PIGF: variants seen among roughly 807,000 people sequenced by gnomAD.
PIGF encodes phosphatidylinositol glycan anchor biosynthesis class F.
In PIGF, 23 loss-of-function variants were observed where a neutral mutation model predicts 26.0. The observed-to-expected ratio is 0.88, with a 90% CI of 0.64 to 1.25. The LOEUF (loss-of-function observed/expected upper bound fraction) is 1.25. Ranked by LOEUF, PIGF falls within the 50% of genes most tolerant of loss-of-function variation. The pLI is 0.00. For synonymous variants in PIGF, 93 were observed against 92.6 expected, an observed-to-expected ratio of 1.00 and a Z score of -0.03; for missense variants, 278 against 249.9, an observed-to-expected ratio of 1.11 and a Z score of -0.76.
rs1434799139 is a variant in PIGF at position 46,589,940 on chromosome 2, G to A, written c.546+2535C>T. Among the ~76,000 whole-genome samples, 1 of 151,974 alleles carries A rather than the reference G, an allele frequency of 6.6e-6. No individual in the cohort carries two copies. The highest frequency in any genetic ancestry group is 1.9e-4 in the East Asian group (1 of 5,204). On this transcript the variant is annotated intron_variant, in intron 5 of 5. Transcript: ENST00000281382. The surrounding 1 kb of genome is among the most constrained non-coding windows in gnomAD (Gnocchi z 4.7). Reference sequence around the variant, plus strand: ...TGCTAAAAGGGCAAGGAGCAGATGAGTGCTATATGAATAAAAGATTTTTAA... The same window carrying A: ...TGCTAAAAGGGCAAGGAGCAGATGAATGCTATATGAATAAAAGATTTTTAA...
intron 5 of PIGF, among the ~76,000 whole-genome samples, chr2:46,583,328 G>A (rs768144357): frequency 1.3e-5 from 2 of 152,066 alleles, no homozygotes; most frequent in Non-Finnish European, 2.9e-5. Flanking sequence ...AAATATGGGA[G>A]GTAGAACAGA....
intron 4 of PIGF, among the ~76,000 whole-genome samples, chr2:46,595,392 A>G (rs924391601): frequency 6.6e-6 from 1 of 152,142 alleles, no homozygotes. Flanking sequence ...TTCCTAGCAT[A>G]ATGTTTTCAA....
chr2:46,590,308 G>C (rs980204766), intron 5 of PIGF, among the ~76,000 whole-genome samples: 2 of 152,036 alleles, frequency 1.3e-5, no homozygotes, highest in Non-Finnish European at 2.9e-5. Flanking sequence ...AGAAAAATGG[G>C]TCATCAGCTA....
In PIGF at chr2:46,615,104, T is replaced by C. The variant is rs754604555; in HGVS notation, c.61A>G (p.Ile21Val). The C allele has an allele frequency of 3.2e-6, 5 of 1,586,788 alleles. No homozygotes were observed. In the African/African-American group the frequency reaches 5.4e-5, roughly 17 times the overall value. The change falls in exon 2 of 6, where the codon ATC becomes GTC. Residue 21 changes from isoleucine (I) to valine (V), a missense_variant. By Grantham distance (29) the Ile-to-Val change is conservative. Coordinates refer to ENST00000281382, the MANE Select transcript of PIGF (RefSeq NM_002643.4). ...AGTGATGGAATGAAGACACTTAGGATAATTGAAAATATGCATAAAAGATGG... is the reference window on the plus strand; with the variant it reads ...AGTGATGGAATGAAGACACTTAGGACAATTGAAAATATGCATAAAAGATGG... ...YTHLLCIFSI[I>V]LSVFIPSLFL...
intron 1 of PIGF, 64 bp from the exon 2 acceptor site, chr2:46,615,249 T>A (rs1374560452): frequency 1.4e-6 from 1 of 713,220 alleles, no homozygotes; most frequent in East Asian, 2.5e-5. Flanking sequence ...CTTAAATGTT[T>A]TGACCCCTAA....
chr2:46,599,251 G>T (rs1466344250), intron 4 of PIGF, among the ~76,000 whole-genome samples: 1 of 152,144 alleles, frequency 6.6e-6, no homozygotes, highest in Non-Finnish European at 1.5e-5. Context: ...AACTTCCATT[G>T]CTTGTATTAG....
At chr2:46,597,573 C>T (rs2104096473) in intron 4 of PIGF, among the ~76,000 whole-genome samples, 1 of 152,134 alleles carries the variant, frequency 6.6e-6, no homozygotes, top group South Asian at 2.1e-4. Context: ...CCACCATGCC[C>T]AGCTATTTTT....
chr2:46,607,295 C>T (rs964394009), intron 4 of PIGF, among the ~76,000 whole-genome samples: 1 of 152,198 alleles, frequency 6.6e-6, no homozygotes, highest in Non-Finnish European at 1.5e-5. Context: ...CAACCCTTCT[C>T]ATGTCTATTT....
At chr2:46,606,155 A>C (rs976805249) in intron 4 of PIGF, among the ~76,000 whole-genome samples, 34 of 152,328 alleles carry the variant, frequency 2.2e-4, no homozygotes, top group African/African-American at 7.5e-4. Flanking sequence ...TATAACTTTT[A>C]TTTTGACTAG....
chr2:46,596,744 C>T (rs1669900065), intron 4 of PIGF, among the ~76,000 whole-genome samples: 1 of 152,086 alleles, frequency 6.6e-6, no homozygotes, highest in Non-Finnish European at 1.5e-5. Flanking sequence ...AGATTTAGCA[C>T]CTTTTATCTA....
At chr2:46,612,178 T>C in intron 4 of PIGF, 50 bp downstream of exon 4, 1 of 570,498 alleles carries the variant, frequency 1.8e-6, no homozygotes, top group Non-Finnish European at 2.9e-6. Context: ...AAATACTTCA[T>C]TAATTATTTT....
intron 4 of PIGF, among the ~76,000 whole-genome samples, chr2:46,609,962 G>A (rs564284672): frequency 6.6e-6 from 1 of 152,144 alleles, no homozygotes; most frequent in Non-Finnish European, 1.5e-5. Flanking sequence ...GCTTGATGCA[G>A]GGTTGCCACA....
At chr2:46,592,720 T>C (rs1558701849) in intron 4 of PIGF, 137 bp from the exon 5 acceptor site, 1 of 588,984 alleles carries the variant, frequency 1.7e-6, no homozygotes. Flanking sequence ...GACATATACA[T>C]ATTTACCATG....
In PIGF at chr2:46,614,971, T is replaced by A; in HGVS notation, c.194A>T (p.Asn65Ile). Residue 65 changes from asparagine (N) to isoleucine (I), a missense_variant, in exon 2 of 6, where the codon AAT (asparagine) becomes ATT (isoleucine). Transcript: ENST00000281382. ...NLVLYLVVKP[N>I]TSSKRSSLSH... ...TAATGAACTTCTTTTAGAGGATGTA[T>A]TTGGTTTCACTACTAAATATAGTAC... 6.3e-7 allele frequency: 1 copy of A among 1,588,988 alleles called. No homozygotes were observed. The highest frequency in any genetic ancestry group is 8.6e-7 in the Non-Finnish European group (1 of 1,157,138).
Position 46,612,275 on chromosome 2 carries a change from C to G in PIGF, c.390G>C (p.Leu130Phe). The G allele has an allele frequency of 1.4e-6, 2 of 1,475,348 alleles. No individual in the cohort carries two copies. The highest frequency in any genetic ancestry group is 1.8e-6 in the Non-Finnish European group (2 of 1,105,562). 91.4% of individuals were successfully genotyped at this position (1,475,348 alleles called of 1,614,324 possible). The change falls in exon 4 of 6, where the codon TTG becomes TTC. Residue 130 changes from leucine (L) to phenylalanine (F), a missense_variant. Transcript: ENST00000281382. ...GCCATGCTTTGAGGTTTGGTCCTAA[C>G]AAACATAAGCAAGGCACAGTAGTAA... ...STFTTVPCLC[L>F]LGPNLKAWLR...
At chr2:46,591,284 C>T (rs368615074) in intron 5 of PIGF, among the ~76,000 whole-genome samples, 5 of 152,012 alleles carry the variant, frequency 3.3e-5, no homozygotes, top group Admixed American at 2.6e-4. Context: ...TTAAAAACAA[C>T]ATGAATATTA....
intron 4 of PIGF, among the ~76,000 whole-genome samples, chr2:46,602,280 A>G (rs1280536190): frequency 3.9e-5 from 6 of 151,934 alleles, no homozygotes; most frequent in East Asian, 1.9e-4. Flanking sequence ...TAAAATCCCA[A>G]TAGTATCAGA....
At chr2:46,600,396 A>G (rs1340880070) in intron 4 of PIGF, among the ~76,000 whole-genome samples, 1 of 152,220 alleles carries the variant, frequency 6.6e-6, no homozygotes, top group Non-Finnish European at 1.5e-5. Context: ...ACAAAATTAT[A>G]TGGAACAAAG....
In PIGF at chr2:46,597,128, G is replaced by T. The variant is rs187004091; in HGVS notation, c.438-4545C>A. Reference sequence around the variant, plus strand: ...TGCTGCAAAACTGCTGTGCTGTGGGGTCCCTGCACGAGCATCTTGTGAATT... The same window carrying T: ...TGCTGCAAAACTGCTGTGCTGTGGGTTCCCTGCACGAGCATCTTGTGAATT... On this transcript the variant is annotated intron_variant, in intron 4 of 5. Coordinates refer to ENST00000281382, the MANE Select transcript of PIGF (RefSeq NM_002643.4). 2.4e-3 allele frequency among the ~76,000 whole-genome samples: 371 copies of T among 152,210 alleles called. 2 individuals carry two copies. Among genetic ancestry groups the T allele is most frequent in the African/African-American group, 8.3e-3 (345 of 41,510 alleles).
Sources: allele counts gnomAD v4.1 joint callset (sites outside exome capture counted in the v4.1 genomes callset), GRCh38; gene constraint gnomAD v4.1.1; non-coding constraint Gnocchi (gnomAD v3.1); transcripts MANE v1.5; gene names NCBI Gene and HGNC (gene_info 2026-07-23, HGNC 2026-07-21).